CABIN1: variants seen among roughly 807,000 people sequenced by gnomAD.
CABIN1 encodes the protein calcineurin-binding protein cabin-1.
A neutral mutation model predicts 227.7 loss-of-function variants in CABIN1; 133 were observed. That is an observed-to-expected ratio of 0.58 (90% CI 0.51 to 0.67). The LOEUF is 0.67. Ranked by LOEUF, CABIN1 falls within the 30% of genes least tolerant of loss-of-function variation. The pLI, the probability that CABIN1 is intolerant of heterozygous loss-of-function variation, is 0.00. For synonymous variants in CABIN1, 1,086 were observed against 1,155.1 expected, an observed-to-expected ratio of 0.94 and a Z score of 1.21; for missense variants, 2,408 against 2,852.5, an observed-to-expected ratio of 0.84 and a Z score of 3.55.
chr22:24,120,702 A>C (rs2043358537), intron 28 of CABIN1, among the ~76,000 whole-genome samples: 1 of 152,102 alleles, frequency 6.6e-6, no homozygotes, highest in South Asian at 2.1e-4. Flanking sequence ...AGTCCCAGCT[A>C]CTCGGGAGGC....
In CABIN1 at chr22:24,064,098, G is replaced by A. The variant is rs140966977; in HGVS notation, c.1948G>A (p.Ala650Thr). 2.8e-5 allele frequency: 46 copies of A among 1,614,050 alleles called. No homozygotes were observed. The Middle Eastern group carries it at 6.6e-4, about 23-fold the overall frequency. Residue 650 changes from alanine to threonine, a missense_variant, in exon 15 of 37, where the codon GCC (alanine) becomes ACC (threonine). This residue lies in a region of CABIN1 where 1,045 missense variants were observed against 1,168.4 expected (regional missense o/e 0.89). Coordinates refer to ENST00000263119, the MANE Select transcript of CABIN1 (RefSeq NM_012295.4). Reference protein sequence around the residue: ...ICTEMLQSSTAIQVEAGAERR... With the variant: ...ICTEMLQSSTTIQVEAGAERR... ...CACAGAAATGCTCCAGAGTTCCACC[G>A]CCATCCAGGTGGAGGCAGGGGCTGA...
At chr22:24,041,884 C>A (rs933188668) in intron 5 of CABIN1, among the ~76,000 whole-genome samples, 1 of 152,162 alleles carries the variant, frequency 6.6e-6, no homozygotes, top group Non-Finnish European at 1.5e-5. Flanking sequence ...ATCAGTGTTG[C>A]AGCAGGGATG....
intron 29 of CABIN1, among the ~76,000 whole-genome samples, chr22:24,142,416 C>A (rs2044823639): frequency 6.6e-6 from 1 of 152,166 alleles, no homozygotes; most frequent in Non-Finnish European, 1.5e-5. Context: ...GCAAGGGGAA[C>A]AGGTATATCC....
In CABIN1 at chr22:24,177,475, G is replaced by A; in HGVS notation, c.6206-29G>A. Reference sequence around the variant, plus strand: ...GCTCACTGTGTGATGCGGCAGGCAGGAAGTGCTCTTGGTACCTTTGTCTTC... The same window carrying A: ...GCTCACTGTGTGATGCGGCAGGCAGAAAGTGCTCTTGGTACCTTTGTCTTC... On this transcript the variant is annotated intron_variant, in intron 35 of 36. Transcript: ENST00000263119. The surrounding 1 kb of genome is among the most constrained non-coding windows in gnomAD (Gnocchi z 4.4). 6.6e-7 allele frequency: 1 copy of A among 1,510,136 alleles called. No homozygotes were observed. Among genetic ancestry groups the A allele is most frequent in the Non-Finnish European group, 8.9e-7 (1 of 1,129,246 alleles). 93.5% of individuals were successfully genotyped at this position (1,510,136 alleles called of 1,614,324 possible). A position where few individuals can be genotyped will look rare whatever the true frequency, so the allele number is the denominator to read the frequency against.
At chr22:24,175,054 AAG>A (rs1342778894) in intron 34 of CABIN1, among the ~76,000 whole-genome samples, 1 of 152,210 alleles carries the variant, frequency 6.6e-6, no homozygotes, top group Admixed American at 6.5e-5. Context: ...AGATCTAAGA[AAG>A]AGGATCTGTT....
chr22:24,143,558 G>A (rs1490512223), intron 29 of CABIN1, among the ~76,000 whole-genome samples: 1 of 152,198 alleles, frequency 6.6e-6, no homozygotes, highest in Non-Finnish European at 1.5e-5. Flanking sequence ...GCTGAGAGCA[G>A]TGACAATGGA....
chr22:24,157,708 A>AG (rs1491150730), intron 29 of CABIN1, among the ~76,000 whole-genome samples: 1 of 152,114 alleles, frequency 6.6e-6, no homozygotes, highest in African/African-American at 2.4e-5. Flanking sequence ...TGTGGGTAAC[A>AG]GGGGTCTCCC....
intron 15 of CABIN1, among the ~76,000 whole-genome samples, chr22:24,065,087 G>A (rs190663047): frequency 6.6e-6 from 1 of 151,382 alleles, no homozygotes; most frequent in Admixed American, 6.6e-5. Context: ...TTCCCAGTAG[G>A]GGCGGCCGGG....
intron 29 of CABIN1, among the ~76,000 whole-genome samples, chr22:24,136,763 A>T (rs2044449864): frequency 6.6e-6 from 1 of 151,522 alleles, no homozygotes; most frequent in Admixed American, 6.6e-5. Context: ...ACACACACAC[A>T]CACAGAAAGG....
At chr22:24,163,663 G>A (rs1206787856) in intron 29 of CABIN1, among the ~76,000 whole-genome samples, 1 of 152,150 alleles carries the variant, frequency 6.6e-6, no homozygotes, top group African/African-American at 2.4e-5. Flanking sequence ...CTCACTCCCT[G>A]CTTTCCCCAC....
At chr22:24,099,683 G>A (rs1340574028) in intron 26 of CABIN1, among the ~76,000 whole-genome samples, 1 of 152,246 alleles carries the variant, frequency 6.6e-6, no homozygotes, top group South Asian at 2.1e-4. Context: ...CAGGGAATTA[G>A]TTTTTGCCAG....
At chr22:24,092,708 G>A (rs1304830516) in intron 24 of CABIN1, among the ~76,000 whole-genome samples, 1 of 151,512 alleles carries the variant, frequency 6.6e-6, no homozygotes, top group Non-Finnish European at 1.5e-5. Flanking sequence ...GTGTGTGTGT[G>A]TGTGTGTGTG....
Position 24,087,632 on chromosome 22 carries a change from C to T in CABIN1, c.3444C>T (p.Thr1148=). ...TGTCCCTATGGATTGAGTATGGCAC[C>T]ATGTCCTATGCCTTGCACTCATTCG... ...SNLSLWIEYG[T]MSYALHSFAS... is the part of the protein sequence containing the mutation. The change falls in exon 23 of 37, where the codon ACC becomes ACT. Residue 1148 remains threonine, a synonymous_variant. Transcript: ENST00000263119. 1 of 1,614,196 alleles carries T rather than the reference C, an allele frequency of 6.2e-7. No homozygotes were observed. The highest frequency in any genetic ancestry group is 8.5e-7 in the Non-Finnish European group (1 of 1,180,030).
intron 8 of CABIN1, among the ~76,000 whole-genome samples, chr22:24,052,694 G>T (rs183273650): frequency 6.6e-6 from 1 of 151,838 alleles, no homozygotes; most frequent in Non-Finnish European, 1.5e-5. Context: ...GGGAGGCTGA[G>T]GGGGAGGATT....
At chr22:24,013,727 C>A (rs1222938939) in intron 1 of CABIN1, among the ~76,000 whole-genome samples, 1 of 152,156 alleles carries the variant, frequency 6.6e-6, no homozygotes, top group Non-Finnish European at 1.5e-5. Flanking sequence ...AGGACCCTAT[C>A]CAAGATCCCA....
intron 33 of CABIN1, among the ~76,000 whole-genome samples, chr22:24,171,269 T>C (rs1029681896): frequency 2.0e-5 from 3 of 152,080 alleles, no homozygotes; most frequent in Non-Finnish European, 4.4e-5. Context: ...TCCCACTAGC[T>C]CCCTCAGGAC....
At chr22:24,168,604 A>G in intron 33 of CABIN1, 83 bp downstream of exon 33, 1 of 1,120,124 alleles carries the variant, frequency 8.9e-7, no homozygotes, top group Non-Finnish European at 1.3e-6. Flanking sequence ...TGAGAAGCAG[A>G]TCCACTCTTG....
chr22:24,092,454 G>A (rs970163203), intron 24 of CABIN1, among the ~76,000 whole-genome samples: 5 of 152,176 alleles, frequency 3.3e-5, no homozygotes, highest in Admixed American at 3.3e-4. Context: ...AGCCACGATT[G>A]TCAATTTTGT....
Position 24,162,490 on chromosome 22 carries a change from A to G in CABIN1, c.4747-1910A>G, listed in dbSNP as rs1247966225. 5.3e-5 allele frequency among the ~76,000 whole-genome samples: 8 copies of G among 152,356 alleles called. No homozygotes were observed. The East Asian group carries it at 1.3e-3, about 26-fold the overall frequency. On this transcript the variant is annotated intron_variant, in intron 29 of 36. Coordinates refer to ENST00000263119, the MANE Select transcript of CABIN1 (RefSeq NM_012295.4). ...CCCATACTGGGGCATGTGAATGAAGATACAGTAAAGAGATGAACAAGGGCA... is the reference window on the plus strand; with the variant it reads ...CCCATACTGGGGCATGTGAATGAAGGTACAGTAAAGAGATGAACAAGGGCA...
Sources: gnomAD v4.1 joint callset for allele counts (sites outside exome capture counted in the v4.1 genomes callset) on GRCh38, gnomAD v4.1.1 for gene constraint, gnomAD v4.1.1 regional missense constraint, Gnocchi (gnomAD v3.1) non-coding constraint, MANE v1.5 for transcripts, NCBI Gene and HGNC (gene_info 2026-07-23, HGNC 2026-07-21) for gene names.